The following NEK1 variants were observed in gnomAD, a reference collection of about 807,000 sequenced individuals.
The protein encoded by NEK1 is serine/threonine-protein kinase Nek1.
Under a neutral mutation model 182.1 loss-of-function variants are expected in NEK1, and 137 were observed. The ratio of observed to expected loss-of-function variants is 0.75; its 90% CI spans 0.65 to 0.87. The LOEUF is 0.87. Among genes scored for constraint, NEK1 ranks in the 40% least tolerant of loss-of-function variants. The pLI is 0.00. For missense variants in NEK1, 1,391 were observed against 1,494.4 expected (o/e 0.93, Z 1.14); for synonymous variants, 513 against 492.2 (o/e 1.04, Z -0.56).
intron 23 of NEK1, among the ~76,000 whole-genome samples, chr4:169,495,254 TTTTTTTTG>T: frequency 7.3e-6 from 1 of 136,934 alleles, no homozygotes; most frequent in African/African-American, 3.1e-5. Flanking sequence ...TTTTTTTTTT[TTTTTTTTG>T]AGACGGAGTT....
intron 24 of NEK1, among the ~76,000 whole-genome samples, chr4:169,478,109 A>AGAT (rs1456917392): frequency 6.6e-6 from 1 of 152,080 alleles, no homozygotes; most frequent in Non-Finnish European, 1.5e-5. Context: ...CAGACTATCT[A>AGAT]AAATTAAAAA....
intron 5 of NEK1, among the ~76,000 whole-genome samples, chr4:169,592,778 T>TACTCACG (rs1178911419): frequency 1.3e-5 from 2 of 152,150 alleles, no homozygotes; most frequent in East Asian, 3.9e-4. Context: ...TTCCTTTCTA[T>TACTCACG]ACTCACGTAA....
intron 27 of NEK1, among the ~76,000 whole-genome samples, chr4:169,443,421 A>T (rs552037993): frequency 6.6e-6 from 1 of 151,462 alleles, no homozygotes; most frequent in East Asian, 1.9e-4. Context: ...ACAATAGACT[A>T]AACAGAAAAA....
At chr4:169,595,957 G>A (rs1337228239) in intron 5 of NEK1, among the ~76,000 whole-genome samples, 1 of 149,926 alleles carries the variant, frequency 6.7e-6, no homozygotes, top group Non-Finnish European at 1.5e-5. Flanking sequence ...AAATATATGT[G>A]GAACCAATAC....
At chr4:169,426,400 A>AT (rs1736401123) in intron 29 of NEK1, among the ~76,000 whole-genome samples, 166 bp from the exon 30 acceptor site, 1 of 152,204 alleles carries the variant, frequency 6.6e-6, no homozygotes, top group Non-Finnish European at 1.5e-5. Context: ...AGTACAATGT[A>AT]TTTTTCACCC....
At chr4:169,395,449 C>T (rs776245199) in intron 35 of NEK1, among the ~76,000 whole-genome samples, 41 of 152,192 alleles carry the variant, frequency 2.7e-4, no homozygotes, top group Non-Finnish European at 5.3e-4. Flanking sequence ...TTGCATACTT[C>T]CATGTATGAG....
chr4:169,413,743 G>A (rs1196511490), intron 31 of NEK1, among the ~76,000 whole-genome samples: 1 of 152,182 alleles, frequency 6.6e-6, no homozygotes, highest in Non-Finnish European at 1.5e-5. Context: ...ATGGCCAGGT[G>A]CGATGGCTCA....
intron 23 of NEK1, among the ~76,000 whole-genome samples, chr4:169,501,298 CAAT>C (rs1484544070): frequency 6.6e-6 from 1 of 152,026 alleles, no homozygotes; most frequent in African/African-American, 2.4e-5. Flanking sequence ...TAATATCATA[CAAT>C]AATAGTGGAC....
chr4:169,441,256 G>A (rs566208580), intron 27 of NEK1, among the ~76,000 whole-genome samples: 2 of 152,350 alleles, frequency 1.3e-5, no homozygotes, highest in South Asian at 2.1e-4. Context: ...GTGCACTTGT[G>A]TGCACCTTCA....
At chr4:169,489,408 A>G (rs1163364132) in intron 23 of NEK1, among the ~76,000 whole-genome samples, 1 of 152,226 alleles carries the variant, frequency 6.6e-6, no homozygotes, top group Non-Finnish European at 1.5e-5. Context: ...CAATGAATTG[A>G]TAACTGCATT....
intron 27 of NEK1, among the ~76,000 whole-genome samples, chr4:169,449,236 G>GA (rs1266433157): frequency 1.3e-5 from 2 of 152,142 alleles, no homozygotes; most frequent in Non-Finnish European, 2.9e-5. Context: ...GGGCATAGCT[G>GA]AACAAAAGGC....
intron 31 of NEK1, among the ~76,000 whole-genome samples, chr4:169,415,420 C>T (rs1202465104): frequency 6.6e-6 from 1 of 152,192 alleles, no homozygotes; most frequent in Non-Finnish European, 1.5e-5. Flanking sequence ...AGCATTTATT[C>T]CCCTGAACAA....
intron 35 of NEK1, among the ~76,000 whole-genome samples, chr4:169,399,371 G>A (rs1035565858): frequency 6.6e-6 from 1 of 152,064 alleles, no homozygotes; most frequent in Non-Finnish European, 1.5e-5. Flanking sequence ...GAGATCAGGA[G>A]TTCAAGACCA....
In NEK1 at chr4:169,457,725, GGAAGAGGAGGAGAAA is replaced by G. The variant is rs1192793329; in HGVS notation, c.2587+5503_2587+5517del. ...GAGGGGAGAAGGAGGGGAGAGGGAG[GGAAGAGGAGGAGAAA>G]GGAGAGGAGGGGAGGGGAGGGGAGG... On this transcript the variant is annotated intron_variant, in intron 27 of 35. Transcript: ENST00000507142. Among the ~76,000 whole-genome samples, 6 of 127,478 alleles carry G rather than the reference GGAAGAGGAGGAGAAA, an allele frequency of 4.7e-5. No individual in the cohort carries two copies. In the East Asian group the frequency reaches 1.1e-3, roughly 23 times the overall value. The allele number at this position is 127,478 out of a possible 152,430, so 83.6% of individuals were successfully genotyped here.
chr4:169,465,137 C>A (rs1218109914), intron 26 of NEK1, among the ~76,000 whole-genome samples: 1 of 151,888 alleles, frequency 6.6e-6, no homozygotes, highest in Non-Finnish European at 1.5e-5. Context: ...TTCATACAGC[C>A]AAAATGATTA....
intron 16 of NEK1, among the ~76,000 whole-genome samples, chr4:169,558,912 A>T (rs1762520178): frequency 6.6e-6 from 1 of 152,106 alleles, no homozygotes; most frequent in African/African-American, 2.4e-5. Flanking sequence ...GAATCTCCTT[A>T]ATTTGATTCA....
chr4:169,560,614 T>C (rs1762769697), intron 16 of NEK1, among the ~76,000 whole-genome samples: 1 of 152,070 alleles, frequency 6.6e-6, no homozygotes, highest in African/African-American at 2.4e-5. Context: ...CAGTTGAGAA[T>C]CTTGGAGACC....
intron 5 of NEK1, among the ~76,000 whole-genome samples, chr4:169,596,751 TGTTTCAAA>T (rs1029711379): frequency 6.6e-6 from 1 of 152,238 alleles, no homozygotes; most frequent in Non-Finnish European, 1.5e-5. Flanking sequence ...TAAGTTTTCC[TGTTTCAAA>T]GCCCAGAAAG....
At chr4:169,559,564 T>C (rs552124857) in intron 16 of NEK1, among the ~76,000 whole-genome samples, 2 of 152,290 alleles carry the variant, frequency 1.3e-5, no homozygotes, top group East Asian at 1.9e-4. Context: ...GGGCAGAATG[T>C]ATATGTCTAG....
Sources: gnomAD v4.1 joint callset for allele counts (sites outside exome capture counted in the v4.1 genomes callset) on GRCh38, gnomAD v4.1.1 for gene constraint, MANE v1.5 for transcripts, NCBI Gene and HGNC (gene_info 2026-07-23, HGNC 2026-07-21) for gene names.